LIAT1: variants seen among roughly 807,000 people sequenced by gnomAD.
The protein encoded by LIAT1 is protein LIAT1.
the LIAT1 span, chr17:410,469 G>A: frequency 1.3e-6 from 2 of 1,542,252 alleles, no homozygotes; most frequent in Non-Finnish European, 1.7e-6. Flanking sequence ...CCGCGGTGGG[G>A]CGGGGACAAT....
the LIAT1 span, chr17:413,767 C>T: frequency 1.3e-6 from 2 of 1,596,858 alleles, no homozygotes; most frequent in East Asian, 4.5e-5. Context: ...TCCACCCCGA[C>T]CCCAAGGCCC....
At chr17:414,251 TC>T in the LIAT1 span, 2 of 1,116,702 alleles carry the variant, frequency 1.8e-6, no homozygotes, top group Non-Finnish European at 2.5e-6. This position sits in a 1 kb window ranked among gnomAD's most constrained non-coding sequence, Gnocchi z 4.1. Flanking sequence ...ACGCCGACTC[TC>T]CCATCACCAA....
At chr17:412,926 T>C in the LIAT1 span, among the ~76,000 whole-genome samples, 74 of 152,348 alleles carry the variant, frequency 4.9e-4, no homozygotes, top group Non-Finnish European at 8.8e-5. Context: ...CCAGACGGCC[T>C]GGCTCAGACT....
chr17:410,559 A>G, the LIAT1 span: 46 of 1,546,682 alleles, frequency 3.0e-5, 1 homozygote, highest in Non-Finnish European at 2.5e-5. Flanking sequence ...ACTGCCCCCC[A>G]TCACAGGCGG....
chr17:410,436 C>T, the LIAT1 span: 353 of 1,538,592 alleles, frequency 2.3e-4, 1 homozygote, highest in African/African-American at 4.5e-3. Context: ...GGTTGGGTTG[C>T]AGCCCAGCGG....
the LIAT1 span, chr17:410,373 C>T: frequency 2.6e-6 from 4 of 1,512,566 alleles, no homozygotes; most frequent in African/African-American, 1.4e-5. Flanking sequence ...CCTGGCGGTC[C>T]GCGCTGAGAG....
At chr17:412,029 T>G in the LIAT1 span, among the ~76,000 whole-genome samples, 2 of 152,344 alleles carry the variant, frequency 1.3e-5, no homozygotes, top group South Asian at 4.1e-4. Context: ...TAAGTACTTC[T>G]CAGGCGTAAT....
At chr17:413,967 C>G in the LIAT1 span, 1 of 1,614,100 alleles carries the variant, frequency 6.2e-7, no homozygotes, top group African/African-American at 1.3e-5. Context: ...GAGGAGGCCC[C>G]TGAGAACTTA....
At chr17:410,444 C>CGGGCGGCT in the LIAT1 span, 1 of 1,538,634 alleles carries the variant, frequency 6.5e-7, no homozygotes, top group African/African-American at 1.4e-5. Context: ...TGCAGCCCAG[C>CGGGCGGCT]GGGCGGCTGG....
chr17:411,509 G>T, the LIAT1 span, among the ~76,000 whole-genome samples: 8 of 152,060 alleles, frequency 5.3e-5, no homozygotes, highest in Non-Finnish European at 1.0e-4. Flanking sequence ...ACTCCAGCCT[G>T]GGCAACAAGC....
At chr17:413,046 G>C in the LIAT1 span, 1 of 1,418,486 alleles carries the variant, frequency 7.0e-7, no homozygotes, top group Non-Finnish European at 9.5e-7. Flanking sequence ...GGTACGGAGG[G>C]GCCCCCATCC....
At chr17:413,005 G>A in the LIAT1 span, 6 of 833,192 alleles carry the variant, frequency 7.2e-6, no homozygotes, top group South Asian at 1.7e-5. Flanking sequence ...AGGTGGGCAC[G>A]AGGCTGGTGG....
At chr17:412,163 G>A in the LIAT1 span, among the ~76,000 whole-genome samples, 2 of 152,140 alleles carry the variant, frequency 1.3e-5, no homozygotes, top group East Asian at 1.9e-4. Context: ...GTGAAACCCC[G>A]TCTCTACTGA....
At chr17:413,694 G>A in the LIAT1 span, 1 of 1,580,792 alleles carries the variant, frequency 6.3e-7, no homozygotes, top group African/African-American at 1.4e-5. Context: ...GCCCTCAAGG[G>A]TTTCCACATT....
At chr17:414,144 T>C in the LIAT1 span, 2 of 1,597,348 alleles carry the variant, frequency 1.3e-6, no homozygotes, top group Non-Finnish European at 8.5e-7. This position sits in a 1 kb window ranked among gnomAD's most constrained non-coding sequence, Gnocchi z 4.1. Flanking sequence ...CACAAACTTA[T>C]AATTCCTCCT....
the LIAT1 span, chr17:413,043 A>C: frequency 7.3e-7 from 1 of 1,369,554 alleles, no homozygotes; most frequent in Non-Finnish European, 9.9e-7. Context: ...CTGGGTACGG[A>C]GGGGCCCCCA....
the LIAT1 span, chr17:413,795 GAC>G: frequency 2.6e-6 from 4 of 1,531,424 alleles, no homozygotes; most frequent in Non-Finnish European, 3.5e-6. Flanking sequence ...TTTCCACACT[GAC>G]CCCGAGGCCC....
the LIAT1 span, chr17:410,717 T>C: frequency 1.4e-6 from 2 of 1,415,028 alleles, no homozygotes; most frequent in Admixed American, 2.1e-5. Context: ...CCACCCCCCA[T>C]TTACCCTTCA....
chr17:410,656 G>T, the LIAT1 span: 1 of 1,537,796 alleles, frequency 6.5e-7, no homozygotes, highest in Non-Finnish European at 8.7e-7. Flanking sequence ...GGTAAGAGGA[G>T]CAGCTAGCCC....
Sources: gnomAD v4.1 joint callset for allele counts (sites outside exome capture counted in the v4.1 genomes callset) on GRCh38, gnomAD v4.1.1 for gene constraint, Gnocchi (gnomAD v3.1) non-coding constraint, MANE v1.5 for transcripts, NCBI Gene and HGNC (gene_info 2026-07-23, HGNC 2026-07-21) for gene names.